Variants in ATXN1 observed in about 807,000 individuals in gnomAD.
The protein encoded by ATXN1 is ataxin 1.
Under a neutral mutation model 56.4 loss-of-function variants are expected in ATXN1, and 8 were observed. That is an observed-to-expected ratio of 0.14 (90% CI 0.08 to 0.26). The LOEUF is 0.26. Ranked by LOEUF, ATXN1 falls within the 10% of genes least tolerant of loss-of-function variation. The pLI is 1.00. For missense variants in ATXN1, 987 were observed against 1,106.5 expected (o/e 0.89, Z 1.53); for synonymous variants, 514 against 494.6 (o/e 1.04, Z -0.52).
At chr6:16,489,990 G>A (rs1760628682) in intron 5 of ATXN1, among the ~76,000 whole-genome samples, 1 of 152,090 alleles carries the variant, frequency 6.6e-6, no homozygotes, top group South Asian at 2.1e-4. Context: ...ACCAGACTTT[G>A]AGAACCACTT....
At chr6:16,319,799 G>T (rs2113395862) in intron 7 of ATXN1, among the ~76,000 whole-genome samples, 1 of 151,156 alleles carries the variant, frequency 6.6e-6, no homozygotes, top group Non-Finnish European at 1.5e-5. Context: ...AAACATATAA[G>T]ATGACCCAGT....
Position 16,410,901 on chromosome 6 carries a change from G to C in ATXN1, c.-161+75071C>G, listed in dbSNP as rs974033900. Among the ~76,000 whole-genome samples, 12 of 152,116 alleles carry C rather than the reference G, an allele frequency of 7.9e-5. No homozygotes were observed. Among genetic ancestry groups the C allele is most frequent in the Admixed American group, 5.9e-4 (9 of 15,264 alleles). The stretch of plus-strand genomic sequence containing the variant: ...GCTCTTTGGGAGGCCAATGCAGGCG[G>C]ATCACTTGAGGCCAGGAGTTTGAGA... On this transcript the variant is annotated intron_variant, in intron 6 of 7. Coordinates refer to ENST00000436367, the MANE Select transcript of ATXN1 (RefSeq NM_001128164.2). The surrounding 1 kb of genome is among the most constrained non-coding windows in gnomAD (Gnocchi z 4.6).
intron 4 of ATXN1, among the ~76,000 whole-genome samples, chr6:16,559,090 G>C (rs950445424): frequency 6.6e-6 from 1 of 152,142 alleles, no homozygotes; most frequent in Non-Finnish European, 1.5e-5. Context: ...GAATATAGTA[G>C]TTTTCACCTC....
chr6:16,498,360 T>G (rs1308126986), intron 5 of ATXN1, among the ~76,000 whole-genome samples: 2 of 152,260 alleles, frequency 1.3e-5, no homozygotes, highest in African/African-American at 4.8e-5. Context: ...TATTGTAGGC[T>G]ATACCACATT....
chr6:16,313,364 G>A (rs1760442655), intron 7 of ATXN1, among the ~76,000 whole-genome samples: 1 of 152,108 alleles, frequency 6.6e-6, no homozygotes, highest in South Asian at 2.1e-4. Flanking sequence ...TCCAGCCTGT[G>A]TGCCAGAGCA....
At chr6:16,659,038 G>A (rs745820634) in intron 2 of ATXN1, among the ~76,000 whole-genome samples, 9 of 151,906 alleles carry the variant, frequency 5.9e-5, no homozygotes, top group African/African-American at 1.7e-4. Context: ...CCTTTTTTTC[G>A]GGACGTTTGA....
Position 16,659,841 on chromosome 6 carries a change from G to A in ATXN1, c.-614-1940C>T, listed in dbSNP as rs183806650. Among the ~76,000 whole-genome samples, 24 of 152,108 alleles carry A rather than the reference G, an allele frequency of 1.6e-4. No homozygotes were observed. In the East Asian group the frequency reaches 4.1e-3, roughly 26 times the overall value. Reference sequence around the variant, plus strand: ...TTTTCAACTATCTTGCAGCAAAATCGATCTGGGAGAGGCAGAATGGTCCCA... The same window carrying A: ...TTTTCAACTATCTTGCAGCAAAATCAATCTGGGAGAGGCAGAATGGTCCCA... On this transcript the variant is annotated intron_variant, in intron 2 of 7. Coordinates refer to ENST00000436367, the MANE Select transcript of ATXN1 (RefSeq NM_001128164.2).
intron 2 of ATXN1, among the ~76,000 whole-genome samples, chr6:16,726,486 T>C (rs1429629108): frequency 1.3e-5 from 2 of 151,978 alleles, no homozygotes; most frequent in South Asian, 2.1e-4. Context: ...AACACTAAGG[T>C]AGAACTTCTC....
chr6:16,474,177 T>C (rs1159128168), intron 6 of ATXN1, among the ~76,000 whole-genome samples: 2 of 152,254 alleles, frequency 1.3e-5, no homozygotes, highest in East Asian at 1.9e-4. Context: ...GCTTTGCTCA[T>C]GTTGTCCTCA....
At chr6:16,415,578 T>A (rs535744333) in intron 6 of ATXN1, among the ~76,000 whole-genome samples, 30 of 152,300 alleles carry the variant, frequency 2.0e-4, no homozygotes, top group Non-Finnish European at 3.5e-4. Context: ...CCGAAGCAGC[T>A]GGGAAATAGG....
At position 16,304,588 on chromosome 6, in the gene ATXN1, T is replaced by C. The variant is rs1760191553; in HGVS notation, c.*1741A>G. The stretch of plus-strand genomic sequence containing the variant: ...ATTCTCAGAGTTTCTAAGAGCCCGC[T>C]AAGACCTGGCTTTTTGTGACAGATG... On this transcript the variant is annotated 3_prime_UTR_variant, in exon 8 of 8. Coordinates refer to ENST00000436367, the MANE Select transcript of ATXN1 (RefSeq NM_001128164.2). 1 of 152,636 alleles carries C rather than the reference T, an allele frequency of 6.6e-6. No homozygotes were observed. The highest frequency in any genetic ancestry group is 1.5e-5 in the Non-Finnish European group (1 of 68,028). The allele number at this position is 152,636 out of a possible 1,614,324, so 9.5% of individuals were successfully genotyped here.
chr6:16,748,186 G>C (rs952066390), intron 2 of ATXN1, among the ~76,000 whole-genome samples: 1 of 152,168 alleles, frequency 6.6e-6, no homozygotes, highest in Non-Finnish European at 1.5e-5. Flanking sequence ...GGAGATATGA[G>C]TAAGAGTGAA....
chr6:16,566,421 G>A (rs1473252245), intron 4 of ATXN1, among the ~76,000 whole-genome samples: 3 of 152,034 alleles, frequency 2.0e-5, no homozygotes, highest in African/African-American at 4.8e-5. Context: ...TGCAGCATTG[G>A]TGTAACTTCT....
chr6:16,547,686 A>G lies in ATXN1; in HGVS notation c.-360-24998T>C, dbSNP rs61463158. 5.6e-3 allele frequency among the ~76,000 whole-genome samples: 859 copies of G among 152,092 alleles called. 8 individuals carry two copies. The highest frequency in any genetic ancestry group is 0.02 in the African/African-American group (826 of 41,484). ...CTCCCAGCTTCTGGTGGCTTTCCGG[A>G]TATCTTTGGTGTTTCTTGGCTTTGG... On this transcript the variant is annotated intron_variant, in intron 4 of 7. Coordinates refer to ENST00000436367, the MANE Select transcript of ATXN1 (RefSeq NM_001128164.2).
chr6:16,755,659 C>T (rs943162654), intron 1 of ATXN1, among the ~76,000 whole-genome samples: 17 of 151,180 alleles, frequency 1.1e-4, no homozygotes, highest in Middle Eastern at 3.4e-3. Context: ...ATAACTGTCA[C>T]GAAAAACTTC....
intron 5 of ATXN1, among the ~76,000 whole-genome samples, chr6:16,499,393 A>G (rs1362150331): frequency 1.3e-5 from 2 of 152,198 alleles, no homozygotes; most frequent in Non-Finnish European, 2.9e-5. Context: ...TTCAGCCACT[A>G]TTTAAATGTT....
intron 2 of ATXN1, among the ~76,000 whole-genome samples, chr6:16,691,964 A>T (rs1471285898): frequency 2.0e-5 from 3 of 152,258 alleles, no homozygotes; most frequent in African/African-American, 7.2e-5. Context: ...TGTGAGCCTT[A>T]GAACAAGCCT....
intron 2 of ATXN1, among the ~76,000 whole-genome samples, chr6:16,681,228 G>T (rs1758807149): frequency 6.6e-6 from 1 of 152,220 alleles, no homozygotes; most frequent in African/African-American, 2.4e-5. Flanking sequence ...AAGGGAACAA[G>T]AATCTGTGTC....
intron 4 of ATXN1, among the ~76,000 whole-genome samples, chr6:16,530,814 T>C (rs537707108): frequency 6.6e-6 from 1 of 152,304 alleles, no homozygotes; most frequent in African/African-American, 2.4e-5. Context: ...GGTTTTATGA[T>C]TTCCTGGGTG....
Sources: gnomAD v4.1 joint callset for allele counts (sites outside exome capture counted in the v4.1 genomes callset) on GRCh38, gnomAD v4.1.1 for gene constraint, Gnocchi (gnomAD v3.1) non-coding constraint, MANE v1.5 for transcripts, NCBI Gene and HGNC (gene_info 2026-07-23, HGNC 2026-07-21) for gene names.